FAF1: variants seen among roughly 807,000 people sequenced by gnomAD.
FAF1 encodes Fas associated factor 1.
FAF1 carries 25 observed loss-of-function variants against 92.5 expected under a neutral mutation model. The observed-to-expected ratio is 0.27, with a 90% CI of 0.20 to 0.38. The LOEUF is 0.38. FAF1 is among the 10% of genes least tolerant of loss of function. The pLI is 1.00. For missense variants in FAF1, 636 were observed against 793.3 expected (o/e 0.80, Z 2.38); for synonymous variants, 234 against 273.2 (o/e 0.86, Z 1.42).
At chr1:50,612,348 T>C (rs917744105) in intron 8 of FAF1, 21 of 1,245,252 alleles carry the variant, frequency 1.7e-5, no homozygotes, top group Non-Finnish European at 2.2e-5. Context: ...AGATTCCTCA[T>C]TTTATTATAA....
At chr1:50,736,274 G>T (rs1328910026) in intron 6 of FAF1, among the ~76,000 whole-genome samples, 1 of 151,898 alleles carries the variant, frequency 6.6e-6, no homozygotes, top group Admixed American at 6.6e-5. Context: ...TATAAATTAG[G>T]TTACAAATTA....
At chr1:50,888,434 G>C (rs979375314) in intron 1 of FAF1, among the ~76,000 whole-genome samples, 1 of 152,166 alleles carries the variant, frequency 6.6e-6, no homozygotes, top group Non-Finnish European at 1.5e-5. Flanking sequence ...TGGTGAGAGA[G>C]GGCATCCCTG....
intron 5 of FAF1, among the ~76,000 whole-genome samples, chr1:50,739,359 T>A (rs904653697): frequency 2.0e-5 from 3 of 152,098 alleles, no homozygotes; most frequent in Admixed American, 1.3e-4. Flanking sequence ...CATGTGTACA[T>A]GTGTACACGT....
At chr1:50,848,717 C>A (rs539526549) in intron 2 of FAF1, among the ~76,000 whole-genome samples, 1 of 152,216 alleles carries the variant, frequency 6.6e-6, no homozygotes, top group South Asian at 2.1e-4. Flanking sequence ...TGCATAAACT[C>A]ACTCTCTCAT....
chr1:50,500,239 A>G (rs1406620232), intron 15 of FAF1, among the ~76,000 whole-genome samples: 1 of 152,164 alleles, frequency 6.6e-6, no homozygotes, highest in East Asian at 1.9e-4. Flanking sequence ...AAATTAGAGG[A>G]CTTATACTAC....
intron 4 of FAF1, among the ~76,000 whole-genome samples, chr1:50,767,257 T>C (rs551312272): frequency 1.4e-4 from 22 of 152,088 alleles, no homozygotes; most frequent in African/African-American, 5.1e-4. Context: ...TAACTCAGAC[T>C]AAAATTAAAA....
intron 13 of FAF1, among the ~76,000 whole-genome samples, chr1:50,564,142 G>A (rs1650063053): frequency 6.6e-6 from 1 of 152,112 alleles, no homozygotes; most frequent in African/African-American, 2.4e-5. Flanking sequence ...TATAGGCTTA[G>A]TCAGAGTAAT....
At chr1:50,893,798 T>G (rs1253120833) in intron 1 of FAF1, among the ~76,000 whole-genome samples, 2 of 152,206 alleles carry the variant, frequency 1.3e-5, no homozygotes, top group Non-Finnish European at 2.9e-5. Flanking sequence ...CCCCTAGGCC[T>G]TAGGGCAGGT....
chr1:50,706,693 AAACT>A (rs1321815205), intron 6 of FAF1, among the ~76,000 whole-genome samples: 1 of 152,254 alleles, frequency 6.6e-6, no homozygotes, highest in Non-Finnish European at 1.5e-5. Context: ...AATGAGTATT[AAACT>A]AATATTAGAA....
At chr1:50,485,012 A>G (rs1646747164) in intron 17 of FAF1, among the ~76,000 whole-genome samples, 1 of 151,456 alleles carries the variant, frequency 6.6e-6, no homozygotes, top group African/African-American at 2.4e-5. Context: ...GTAAATGACG[A>G]GTTAATGGGT....
intron 2 of FAF1, among the ~76,000 whole-genome samples, chr1:50,856,503 T>G (rs1393106196): frequency 1.3e-5 from 2 of 151,918 alleles, no homozygotes; most frequent in Non-Finnish European, 3.0e-5. Context: ...TACAAATATT[T>G]GTAAATTTTG....
At chr1:50,862,399 G>A (rs972344369) in intron 1 of FAF1, among the ~76,000 whole-genome samples, 7 of 151,894 alleles carry the variant, frequency 4.6e-5, no homozygotes, top group African/African-American at 7.2e-5. Flanking sequence ...TGGATAGAGA[G>A]CAAAATGATG....
intron 15 of FAF1, among the ~76,000 whole-genome samples, chr1:50,509,917 C>G (rs888469740): frequency 1.3e-5 from 2 of 152,010 alleles, no homozygotes; most frequent in African/African-American, 2.4e-5. Flanking sequence ...CCTGTAATCC[C>G]AGCACTTTGG....
At chr1:50,445,464 T>C (rs1646217453) in intron 18 of FAF1, among the ~76,000 whole-genome samples, 1 of 152,186 alleles carries the variant, frequency 6.6e-6, no homozygotes, top group Non-Finnish European at 1.5e-5. Context: ...GAGATATTGC[T>C]GAGAGTAGTT....
chr1:50,659,343 A>C (rs992407791), intron 7 of FAF1, among the ~76,000 whole-genome samples: 1 of 152,082 alleles, frequency 6.6e-6, no homozygotes, highest in African/African-American at 2.4e-5. Flanking sequence ...AATAGATGAT[A>C]GGGAAAGAAA....
In FAF1 at chr1:50,959,912, G is replaced by A; in HGVS notation, c.-101C>T. On this transcript the variant is annotated 5_prime_UTR_variant, in exon 1 of 19. Transcript: ENST00000396153. Reference sequence around the variant, plus strand: ...CCGCCACCGCCGCCGCCGCCGCCGGGCGCCGAGGGGCTGGCGGGCGAGCCG... The same window carrying A: ...CCGCCACCGCCGCCGCCGCCGCCGGACGCCGAGGGGCTGGCGGGCGAGCCG... The A allele has an allele frequency of 1.4e-6, 1 of 695,090 alleles. No homozygotes were observed. The highest frequency in any genetic ancestry group is 1.9e-6 in the Non-Finnish European group (1 of 529,486). The allele number at this position is 695,090 out of a possible 1,614,324, so 43.1% of individuals were successfully genotyped here. A position where few individuals can be genotyped will look rare whatever the true frequency, so the allele number is the denominator to read the frequency against.
chr1:50,470,925 C>T (rs1162073550), intron 18 of FAF1: 2 of 152,216 alleles, frequency 1.3e-5, no homozygotes, highest in African/African-American at 4.8e-5. Flanking sequence ...TTTCCGTTAT[C>T]ACAGCCTGCT....
intron 2 of FAF1, among the ~76,000 whole-genome samples, chr1:50,815,988 C>T (rs985298766): frequency 2.1e-5 from 3 of 145,888 alleles, no homozygotes; most frequent in African/African-American, 5.1e-5. Flanking sequence ...GATCAAGGTA[C>T]AGCACTCCAG....
chr1:50,672,798 TTTTA>T (rs1655955772), intron 7 of FAF1, among the ~76,000 whole-genome samples: 1 of 152,218 alleles, frequency 6.6e-6, no homozygotes, highest in Non-Finnish European at 1.5e-5. Flanking sequence ...AAAATTATAC[TTTTA>T]TTGTTTTTAA....
Sources: gnomAD v4.1 joint callset for allele counts (sites outside exome capture counted in the v4.1 genomes callset) on GRCh38, gnomAD v4.1.1 for gene constraint, MANE v1.5 for transcripts, NCBI Gene and HGNC (gene_info 2026-07-23, HGNC 2026-07-21) for gene names.